PPP1R16B: variants seen among roughly 807,000 people sequenced by gnomAD.
PPP1R16B encodes protein phosphatase 1 regulatory subunit 16B.
PPP1R16B carries 14 observed loss-of-function variants against 61.7 expected under a neutral mutation model. That is an observed-to-expected ratio of 0.23 (90% CI 0.15 to 0.35). The LOEUF is 0.35. Ranked by LOEUF, PPP1R16B falls within the 10% of genes least tolerant of loss-of-function variation. The probability of loss-of-function intolerance (pLI) is 1.00; values close to 1 mark genes in which losing one functional copy is unlikely to be tolerated. For missense variants in PPP1R16B, 547 were observed against 752.5 expected (o/e 0.73, Z 3.19); for synonymous variants, 266 against 305.3 (o/e 0.87, Z 1.34).
At chr20:38,814,613 T>C (rs1198645731) in intron 1 of PPP1R16B, among the ~76,000 whole-genome samples, 1 of 152,196 alleles carries the variant, frequency 6.6e-6, no homozygotes, top group Non-Finnish European at 1.5e-5. Context: ...CTAGGAGTAT[T>C]CAGGAGCTAG....
chr20:38,912,732 G>A (rs565545340), intron 10 of PPP1R16B, among the ~76,000 whole-genome samples: 2 of 152,120 alleles, frequency 1.3e-5, no homozygotes, highest in East Asian at 1.9e-4. Context: ...CAGATGTGGC[G>A]ATACTGCTGC....
At chr20:38,910,711 T>A (rs1046012093) in intron 10 of PPP1R16B, among the ~76,000 whole-genome samples, 6 of 151,922 alleles carry the variant, frequency 3.9e-5, no homozygotes, top group Admixed American at 6.6e-5. Flanking sequence ...TTAAAAAAAA[T>A]TTTTGGCTGG....
intron 2 of PPP1R16B, among the ~76,000 whole-genome samples, chr20:38,888,318 A>G (rs2085262061): frequency 6.6e-6 from 1 of 152,162 alleles, no homozygotes; most frequent in Non-Finnish European, 1.5e-5. Context: ...CATCAGCACG[A>G]TGGCACGAGG....
At position 38,889,027 on chromosome 20, in the gene PPP1R16B, A is replaced by T. The variant is rs917657873; in HGVS notation, c.251-568A>T. Among the ~76,000 whole-genome samples the T allele has an allele frequency of 1.4e-4, 21 of 152,102 alleles. 1 individual carries two copies. Among genetic ancestry groups the T allele is most frequent in the Admixed American group, 1.2e-3 (18 of 15,258 alleles). ...CAAAGAAGGGGCATTTGACACCCAT[A>T]GGTGAGCCATCACCTGCTGTGGGGA... On this transcript the variant is annotated intron_variant, in intron 2 of 10. Coordinates refer to ENST00000299824, the MANE Select transcript of PPP1R16B (RefSeq NM_015568.4).
intron 2 of PPP1R16B, among the ~76,000 whole-genome samples, chr20:38,867,317 G>A (rs1361717816): frequency 6.6e-6 from 1 of 152,160 alleles, no homozygotes; most frequent in Non-Finnish European, 1.5e-5. Flanking sequence ...GGGGGATGGG[G>A]ATAGTTAAAG....
At chr20:38,826,396 C>T (rs76217894) in intron 1 of PPP1R16B, among the ~76,000 whole-genome samples, 2,228 of 152,280 alleles carry the variant, frequency 0.015, 57 homozygotes, top group African/African-American at 0.051. Flanking sequence ...GTCCTTGGCA[C>T]CCTTGTTCCT....
At chr20:38,832,489 C>T (rs2084843605) in intron 1 of PPP1R16B, among the ~76,000 whole-genome samples, 1 of 152,206 alleles carries the variant, frequency 6.6e-6, no homozygotes, top group African/African-American at 2.4e-5. Context: ...GCAACCAAAA[C>T]ATCTATATCT....
At chr20:38,825,954 C>T (rs2084802944) in intron 1 of PPP1R16B, among the ~76,000 whole-genome samples, 1 of 152,182 alleles carries the variant, frequency 6.6e-6, no homozygotes, top group South Asian at 2.1e-4. Context: ...CACATGGCTT[C>T]GTAATCCCTC....
chr20:38,875,187 A>G (rs1046824513), intron 2 of PPP1R16B, among the ~76,000 whole-genome samples: 7 of 152,150 alleles, frequency 4.6e-5, no homozygotes, highest in African/African-American at 1.7e-4. Flanking sequence ...CCCAAGTCCC[A>G]TACATCACTC....
chr20:38,890,510 C>A (rs889245567), intron 3 of PPP1R16B, among the ~76,000 whole-genome samples: 1 of 152,244 alleles, frequency 6.6e-6, no homozygotes, highest in Non-Finnish European at 1.5e-5. Context: ...CTGTCCACAG[C>A]AAGAGCCTGG....
intron 4 of PPP1R16B, 140 bp from the exon 5 acceptor site, chr20:38,900,441 A>G (rs1192215928): frequency 2.0e-5 from 12 of 600,184 alleles, no homozygotes; most frequent in East Asian, 3.3e-5. Context: ...TCCAAGCATC[A>G]TCTTGCTGGG....
At chr20:38,871,290 T>C (rs1177705188) in intron 2 of PPP1R16B, among the ~76,000 whole-genome samples, 1 of 152,170 alleles carries the variant, frequency 6.6e-6, no homozygotes, top group African/African-American at 2.4e-5. Flanking sequence ...AGAACATCTT[T>C]GGAATTTGGC....
At chr20:38,891,908 C>T (rs2085295263) in intron 3 of PPP1R16B, among the ~76,000 whole-genome samples, 1 of 152,194 alleles carries the variant, frequency 6.6e-6, no homozygotes, top group African/African-American at 2.4e-5. Context: ...TGTGTTTCTG[C>T]AGTGCACAGT....
At chr20:38,824,420 C>A (rs1395803440) in intron 1 of PPP1R16B, among the ~76,000 whole-genome samples, 1 of 152,200 alleles carries the variant, frequency 6.6e-6, no homozygotes, top group African/African-American at 2.4e-5. Flanking sequence ...TCTTGAAATT[C>A]ATGAGAAAGA....
intron 2 of PPP1R16B, among the ~76,000 whole-genome samples, chr20:38,856,267 A>G (rs1245806964): frequency 6.6e-6 from 1 of 152,022 alleles, no homozygotes; most frequent in South Asian, 2.1e-4. Flanking sequence ...GCCAGGCACA[A>G]AGTGGGAGTT....
At chr20:38,889,771 A>AG in intron 3 of PPP1R16B, 106 bp downstream of exon 3, 1 of 1,190,802 alleles carries the variant, frequency 8.4e-7, no homozygotes, top group East Asian at 2.3e-5. Context: ...GGAGGGAATG[A>AG]GGGAGGGAGG....
chr20:38,888,336 A>G (rs1448543411), intron 2 of PPP1R16B, among the ~76,000 whole-genome samples: 1 of 152,170 alleles, frequency 6.6e-6, no homozygotes, highest in Non-Finnish European at 1.5e-5. Flanking sequence ...AGGGCCACCC[A>G]CACAAGCCAG....
rs569950361 is a variant in PPP1R16B at position 38,806,692 on chromosome 20, A to G, written c.-102+900A>G. On this transcript the variant is annotated intron_variant, in intron 1 of 10. Transcript: ENST00000299824. This position sits in a 1 kb window ranked among gnomAD's most constrained non-coding sequence, Gnocchi z 4.5. Reference sequence around the variant, plus strand: ...CGCTCGCTGCCCTCCTCCTTCCCCCATGTAGACTCCCTTCCTCCGCTCCCC... The same window carrying G: ...CGCTCGCTGCCCTCCTCCTTCCCCCGTGTAGACTCCCTTCCTCCGCTCCCC... 3.4e-3 allele frequency among the ~76,000 whole-genome samples: 515 copies of G among 152,082 alleles called. 3 individuals carry two copies. The highest frequency in any genetic ancestry group is 0.012 in the African/African-American group (479 of 41,536).
At chr20:38,862,369 G>A (rs550724124) in intron 2 of PPP1R16B, among the ~76,000 whole-genome samples, 1 of 152,218 alleles carries the variant, frequency 6.6e-6, no homozygotes, top group African/African-American at 2.4e-5. Flanking sequence ...TTATGGAAGA[G>A]GAAGCTGAGG....
Sources: allele counts gnomAD v4.1 joint callset (sites outside exome capture counted in the v4.1 genomes callset), GRCh38; gene constraint gnomAD v4.1.1; non-coding constraint Gnocchi (gnomAD v3.1); transcripts MANE v1.5; gene names NCBI Gene and HGNC (gene_info 2026-07-23, HGNC 2026-07-21).